The following MEG3 variants were observed in gnomAD, a reference collection of about 807,000 sequenced individuals.
MEG3 encodes the protein maternally expressed 3.
At chr14:100,842,331 A>C (rs1420051714) in intron 2 of MEG3, among the ~76,000 whole-genome samples, 2 of 152,178 alleles carry the variant, frequency 1.3e-5, no homozygotes, top group Admixed American at 1.3e-4. Context: ...AAAGAGGTGA[A>C]ATTCCAGGAA....
exon 1 of MEG3, chr14:100,859,739 T>C (rs1168665605): frequency 1.3e-5 from 2 of 152,204 alleles, no homozygotes; most frequent in African/African-American, 4.8e-5. Flanking sequence ...GGTACATGGG[T>C]ACCAGGTAGG....
chr14:100,839,692 G>A (rs2037693710), intron 2 of MEG3, among the ~76,000 whole-genome samples: 1 of 152,158 alleles, frequency 6.6e-6, no homozygotes, highest in African/African-American at 2.4e-5. Context: ...GGCCCTCGGG[G>A]CTGATGAGGG....
upstream of MEG3, chr14:100,852,818 C>A (rs977133700): frequency 1.3e-4 from 27 of 202,890 alleles, no homozygotes; most frequent in Non-Finnish European, 1.1e-4. Flanking sequence ...CTCCCAACAT[C>A]TAGGGGCTGT....
intron 3 of MEG3, chr14:100,848,858 A>C (rs949676648): frequency 2.6e-5 from 4 of 152,184 alleles, no homozygotes; most frequent in Non-Finnish European, 5.9e-5. Flanking sequence ...AGGAAAAGTG[A>C]AGTAGGCATA....
chr14:100,834,894 G>A, exon 1 of MEG3: 1 of 438,926 alleles, frequency 2.3e-6, no homozygotes, highest in Non-Finnish European at 4.6e-6. Context: ...TTTGAACGGG[G>A]GCCTTGCTGG....
chr14:100,857,001 G>A (rs527243183), upstream of MEG3: 3 of 152,136 alleles, frequency 2.0e-5, no homozygotes, highest in Non-Finnish European at 4.4e-5. Context: ...CACAGTGCCT[G>A]GCGAGTGGTA....
upstream of MEG3, chr14:100,855,292 CTT>C (rs1362127623): frequency 6.6e-6 from 1 of 152,394 alleles, no homozygotes; most frequent in Non-Finnish European, 1.5e-5. Context: ...AAAGCAAACC[CTT>C]TCATTTTGGG....
At chr14:100,838,618 C>T (rs2037660003) in intron 2 of MEG3, among the ~76,000 whole-genome samples, 1 of 152,180 alleles carries the variant, frequency 6.6e-6, no homozygotes, top group African/African-American at 2.4e-5. Flanking sequence ...AGGACCCTGT[C>T]ACATCAGCGG....
intron 2 of MEG3, among the ~76,000 whole-genome samples, chr14:100,840,632 C>T (rs560312764): frequency 2.4e-4 from 37 of 152,298 alleles, no homozygotes; most frequent in African/African-American, 8.2e-4. Context: ...TGCACAATGA[C>T]GCACTTAACC....
At chr14:100,839,763 G>C (rs2037695744) in intron 2 of MEG3, among the ~76,000 whole-genome samples, 1 of 152,196 alleles carries the variant, frequency 6.6e-6, no homozygotes, top group Non-Finnish European at 1.5e-5. Context: ...GCAGCAGGAG[G>C]GCACTCTGCC....
chr14:100,834,668 C>T lies in MEG3; in HGVS notation n.1700C>T, dbSNP rs760268879. The T allele has an allele frequency of 1.8e-4, 84 of 456,394 alleles. 2 individuals are homozygous for T. Among genetic ancestry groups the T allele is most frequent in the South Asian group, 1.2e-3 (79 of 64,542 alleles). 28.3% of individuals were successfully genotyped at this position (456,394 alleles called of 1,614,324 possible). A position where few individuals can be genotyped will look rare whatever the true frequency, so the allele number is the denominator to read the frequency against. ...GCCATCCCGGGGTGCCCTTGACCAG[C>T]CCCGTGTCTCCTCAGGGTGTCCCAG... On this transcript the variant is annotated non_coding_transcript_exon_variant, in exon 1 of 4. Coordinates refer to the MEG3 transcript ENST00000398461.
In MEG3 at chr14:100,837,898, C is replaced by G. The variant is rs1041152814; in HGVS notation, n.3045+1598C>G. Among the ~76,000 whole-genome samples the G allele has an allele frequency of 6.6e-6, 1 of 151,960 alleles. No homozygotes were observed. Among genetic ancestry groups the G allele is most frequent in the African/African-American group, 2.4e-5 (1 of 41,374 alleles). On this transcript the variant is annotated intron_variant and non_coding_transcript_variant, in intron 2 of 3. Transcript: ENST00000398461. The surrounding 1 kb of genome is among the most constrained non-coding windows in gnomAD (Gnocchi z 5.8). ...CTTGTTTCTGCTCTCTGGAGAGCCCCAGAGCCTGGAGAGACGGGGAGGGGA... is the reference window on the plus strand; with the variant it reads ...CTTGTTTCTGCTCTCTGGAGAGCCCGAGAGCCTGGAGAGACGGGGAGGGGA...
chr14:100,834,543 G>A (rs1479923155), exon 1 of MEG3: 1 of 381,872 alleles, frequency 2.6e-6, no homozygotes, highest in Non-Finnish European at 5.2e-6. Flanking sequence ...CTTTAACCTG[G>A]CTCCTTGAGT....
chr14:100,840,648 C>G (rs1243360133), intron 2 of MEG3, among the ~76,000 whole-genome samples: 1 of 152,218 alleles, frequency 6.6e-6, no homozygotes. Flanking sequence ...TAACCAGCCA[C>G]TGGGTTCGCG....
chr14:100,852,554 T>C (rs899294757), upstream of MEG3: 1 of 408,260 alleles, frequency 2.4e-6, no homozygotes, highest in Non-Finnish European at 4.9e-6. Context: ...GGTGCACTTA[T>C]TATCCCTGGG....
intron 3 of MEG3, chr14:100,850,652 G>GAAGAGTGAGAGGAAGAAAGA (rs1566736145): frequency 6.6e-6 from 1 of 151,658 alleles, no homozygotes; most frequent in Non-Finnish European, 1.5e-5. Context: ...GAAACATAAG[G>GAAGAGTGAGAGGAAGAAAGA]AAGAGTGAGA....
chr14:100,841,189 G>A (rs945132198), intron 2 of MEG3, among the ~76,000 whole-genome samples: 6 of 152,212 alleles, frequency 3.9e-5, no homozygotes, highest in Admixed American at 6.5e-5. Flanking sequence ...AGTCCCTGCC[G>A]TGACAGGAGG....
chr14:100,837,972 C>T lies in MEG3; in HGVS notation n.3045+1672C>T, dbSNP rs887887670. ...GGGAGGGGGCCCAGGAAGGCTCTGCCCCGTGACATTTACTCCAAGGCTAGC... is the reference window on the plus strand; with the variant it reads ...GGGAGGGGGCCCAGGAAGGCTCTGCTCCGTGACATTTACTCCAAGGCTAGC... On this transcript the variant is annotated intron_variant and non_coding_transcript_variant, in intron 2 of 3. Transcript: ENST00000398461. The surrounding 1 kb of genome is among the most constrained non-coding windows in gnomAD (Gnocchi z 5.8). Among the ~76,000 whole-genome samples, 13 of 151,982 alleles carry T rather than the reference C, an allele frequency of 8.6e-5. No individual in the cohort carries two copies. The highest frequency in any genetic ancestry group is 3.1e-4 in the African/African-American group (13 of 41,374).
intron 2 of MEG3, among the ~76,000 whole-genome samples, chr14:100,839,565 C>T (rs1373707140): frequency 6.6e-6 from 1 of 152,192 alleles, no homozygotes; most frequent in African/African-American, 2.4e-5. Flanking sequence ...AGTCCCACAC[C>T]TGGGCTGCCC....
Sources: gnomAD v4.1 joint callset for allele counts (sites outside exome capture counted in the v4.1 genomes callset) on GRCh38, gnomAD v4.1.1 for gene constraint, Gnocchi (gnomAD v3.1) non-coding constraint, MANE v1.5 for transcripts, NCBI Gene and HGNC (gene_info 2026-07-23, HGNC 2026-07-21) for gene names.